Variants in SOAT2 observed in about 807,000 individuals in gnomAD.
SOAT2 encodes the protein sterol O-acyltransferase 2.
A neutral mutation model predicts 76.0 loss-of-function variants in SOAT2; 87 were observed. The observed-to-expected ratio is 1.14, with a 90% CI of 0.96 to 1.37. The LOEUF is 1.37. Ranked by LOEUF, SOAT2 falls within the 40% of genes most tolerant of loss-of-function variation. The pLI is 0.00. For missense variants in SOAT2, 686 were observed against 682.1 expected (o/e 1.01, Z -0.06); for synonymous variants, 285 against 275.4 (o/e 1.03, Z -0.34).
At chr12:53,121,215 G>C in intron 11 of SOAT2, 88 bp from the exon 12 acceptor site, 1 of 924,108 alleles carries the variant, frequency 1.1e-6, no homozygotes, top group Non-Finnish European at 1.8e-6. Flanking sequence ...CACTGGGATA[G>C]GGTGCAGGCA....
At position 53,104,199 on chromosome 12, in the gene SOAT2, A is replaced by G. The variant is rs1400478591; in HGVS notation, c.131A>G (p.His44Arg). The change falls in exon 2 of 15, where the codon CAC becomes CGC. Residue 44 changes from histidine to arginine, a missense_variant. Physicochemically the swap from His to Arg is conservative, Grantham distance 29. Transcript: ENST00000301466. ...CCGGACTTGGTACAATGGACCCGAC[A>G]CATGGAGGTGAGGGATGTCAGAGGT... ...RAPDLVQWTR[H>R]MEAVKAQLLE... is the part of the protein sequence containing the mutation. 1.9e-6 allele frequency: 3 copies of G among 1,611,614 alleles called. No individual in the cohort carries two copies. The highest frequency in any genetic ancestry group is 1.7e-5 in the Admixed American group (1 of 59,936).
intron 5 of SOAT2, 81 bp downstream of exon 5, chr12:53,106,095 G>A: frequency 1.1e-6 from 1 of 931,158 alleles, no homozygotes; most frequent in South Asian, 1.4e-5. Flanking sequence ...TGCCCTTGGG[G>A]CAAGAGGACA....
chr12:53,119,069 C>T, intron 9 of SOAT2, 55 bp from the exon 10 acceptor site: 3 of 1,611,526 alleles, frequency 1.9e-6, no homozygotes, highest in Non-Finnish European at 2.5e-6. Flanking sequence ...GAGGTCAATG[C>T]CACCGGCAGC....
Position 53,120,897 on chromosome 12 carries a change from C to T in SOAT2, c.1137+14C>T. On this transcript the variant is annotated intron_variant, in intron 11 of 14. Coordinates refer to ENST00000301466, the MANE Select transcript of SOAT2 (RefSeq NM_003578.4). ...ATGTTCTACCGGGTGGGGCCTGGAC[C>T]TAGGCCAGTTGGAAGCTGGAGATAG... The T allele has an allele frequency of 6.2e-7, 1 of 1,604,834 alleles. No homozygotes were observed. The highest frequency in any genetic ancestry group is 8.5e-7 in the Non-Finnish European group (1 of 1,171,608).
At chr12:53,103,761 C>A in intron 1 of SOAT2, 102 bp downstream of exon 1, 2 of 1,010,212 alleles carry the variant, frequency 2.0e-6, no homozygotes, top group Non-Finnish European at 2.8e-6. Flanking sequence ...GCCAATCCTT[C>A]CTGCTGTCCA....
Position 53,104,174 on chromosome 12 carries a change from C to G in SOAT2, c.106C>G (p.Pro36Ala). ...AGGAAACACTGAGACGCACAGAGCC[C>G]CGGACTTGGTACAATGGACCCGACA... ...GDGNTETHRA[P>A]DLVQWTRHME... Residue 36 changes from proline (P) to alanine (A), a missense_variant, in exon 2 of 15, where the codon CCG becomes GCG. Coordinates refer to ENST00000301466, the MANE Select transcript of SOAT2 (RefSeq NM_003578.4). 3 of 1,613,702 alleles carry G rather than the reference C, an allele frequency of 1.9e-6. No individual in the cohort carries two copies. The highest frequency in any genetic ancestry group is 1.7e-6 in the Non-Finnish European group (2 of 1,179,732).
At chr12:53,112,657 T>C (rs1403409764) in intron 5 of SOAT2, among the ~76,000 whole-genome samples, 1 of 152,010 alleles carries the variant, frequency 6.6e-6, no homozygotes, top group Non-Finnish European at 1.5e-5. Flanking sequence ...TATACACATC[T>C]TGGATGTTAT....
In SOAT2 at chr12:53,123,173, G is replaced by T. The variant is rs773183641; in HGVS notation, c.1329G>T (p.Gly443=). ...AGTATATCTTCTGCTTCGTCCTGGG[G>T]TTCTTCTATCCCGTCATGCTGATAC... is the stretch of plus-strand genomic sequence containing the variant. ...AHEYIFCFVL[G]FFYPVMLILF... is the part of the protein sequence containing the mutation. Residue 443 remains glycine, a synonymous_variant, in exon 13 of 15, where the codon GGG becomes GGT. Coordinates refer to ENST00000301466, the MANE Select transcript of SOAT2 (RefSeq NM_003578.4). The T allele has an allele frequency of 1.2e-5, 20 of 1,613,996 alleles. No individual in the cohort carries two copies. Among genetic ancestry groups the T allele is most frequent in the Non-Finnish European group, 1.4e-5 (16 of 1,180,000 alleles).
At position 53,109,470 on chromosome 12, in the gene SOAT2, T is replaced by C. The variant is rs1462327909; in HGVS notation, c.443+3456T>C. On this transcript the variant is annotated intron_variant, in intron 5 of 14. Coordinates refer to ENST00000301466, the MANE Select transcript of SOAT2 (RefSeq NM_003578.4). ...AGTGTACTATTAATGTTAAACCCAA[T>C]TATTTATTTATTTATTTATTTTCTT... Among the ~76,000 whole-genome samples the C allele has an allele frequency of 3.3e-5, 5 of 150,114 alleles. No individual in the cohort carries two copies. The South Asian group carries it at 8.3e-4, about 25-fold the overall frequency.
chr12:53,117,740 C>G (rs1938127466), intron 7 of SOAT2, among the ~76,000 whole-genome samples: 1 of 151,978 alleles, frequency 6.6e-6, no homozygotes, highest in South Asian at 2.1e-4. Flanking sequence ...GGCCAGAGGT[C>G]CAATGCCACC....
chr12:53,123,077 C>A lies in SOAT2; in HGVS notation c.1237-4C>A. 6.2e-7 allele frequency: 1 copy of A among 1,610,710 alleles called. No individual in the cohort carries two copies. Among genetic ancestry groups the A allele is most frequent in the Non-Finnish European group, 8.5e-7 (1 of 1,178,802 alleles). ...ACTCTTCACTCCTTTCCTCACCCTG[C>A]CAGCTCCTTGGTGCCCGGGCCCGAG... On this transcript the variant is annotated splice_region_variant and splice_polypyrimidine_tract_variant and intron_variant, in intron 12 of 14. Coordinates refer to ENST00000301466, the MANE Select transcript of SOAT2 (RefSeq NM_003578.4).
chr12:53,118,323 TA>T, intron 7 of SOAT2, 26 bp from the exon 8 acceptor site: 2 of 1,376,148 alleles, frequency 1.5e-6, no homozygotes, highest in Non-Finnish European at 2.0e-6. Flanking sequence ...TTGCCCTTAC[TA>T]ATCCACCCCT....
intron 3 of SOAT2, 152 bp from the exon 4 acceptor site, chr12:53,105,409 C>T: frequency 8.5e-7 from 1 of 1,182,026 alleles, no homozygotes; most frequent in Non-Finnish European, 1.2e-6. Flanking sequence ...CTCGCTCTGC[C>T]CTGGCCCTGA....
intron 10 of SOAT2, 56 bp from the exon 11 acceptor site, chr12:53,120,730 G>C: frequency 7.9e-7 from 1 of 1,269,344 alleles, no homozygotes; most frequent in Non-Finnish European, 1.2e-6. Flanking sequence ...GATCAGGGCT[G>C]CCTGTGGGTC....
chr12:53,114,990 A>C (rs1003281245), intron 5 of SOAT2, among the ~76,000 whole-genome samples: 4 of 152,214 alleles, frequency 2.6e-5, no homozygotes, highest in African/African-American at 9.7e-5. Flanking sequence ...TCCCCTTAAC[A>C]AACCATACAC....
intron 12 of SOAT2, 44 bp from the exon 13 acceptor site, chr12:53,123,037 A>G: frequency 6.5e-7 from 1 of 1,545,210 alleles, no homozygotes; most frequent in Non-Finnish European, 8.7e-7. Flanking sequence ...TTTGTGGAGG[A>G]GCTCAGGGAG....
intron 2 of SOAT2, 83 bp downstream of exon 2, chr12:53,104,289 CTTTTTTT>C: frequency 2.3e-5 from 12 of 520,778 alleles, no homozygotes; most frequent in East Asian, 1.3e-4. Flanking sequence ...ATAAAGATGA[CTTTTTTT>C]TTTTTTTTTT....
chr12:53,116,121 T>C lies in SOAT2; in HGVS notation c.733T>C (p.Ser245Pro). The C allele has an allele frequency of 2.5e-6, 4 of 1,614,164 alleles. No homozygotes were observed. The highest frequency in any genetic ancestry group is 3.4e-6 in the Non-Finnish European group (4 of 1,179,992). ...GGTTAGGTTCCTGATGAAAAGCTAC[T>C]CCTTCCTGAGAGAGGCTGTGCCTGG... ...EQVRFLMKSYSFLREAVPGTL... is the reference protein window; with the variant it reads ...EQVRFLMKSYPFLREAVPGTL... Residue 245 changes from serine (S) to proline (P), a missense_variant, in exon 7 of 15, where the codon TCC (serine) becomes CCC (proline). Transcript: ENST00000301466.
chr12:53,118,168 G>A (rs193114238), intron 7 of SOAT2, among the ~76,000 whole-genome samples, 182 bp from the exon 8 acceptor site: 184 of 151,962 alleles, frequency 1.2e-3, no homozygotes, highest in African/African-American at 3.8e-3. Context: ...AGCCAGTTCC[G>A]CTCCTGCCCA....
Sources: gnomAD v4.1 joint callset for allele counts (sites outside exome capture counted in the v4.1 genomes callset) on GRCh38, gnomAD v4.1.1 for gene constraint, MANE v1.5 for transcripts, NCBI Gene and HGNC (gene_info 2026-07-23, HGNC 2026-07-21) for gene names.